E2F2: variants seen among roughly 807,000 people sequenced by gnomAD.
The protein encoded by E2F2 is transcription factor E2F2.
E2F2 carries 22 observed loss-of-function variants against 42.2 expected under a neutral mutation model. The ratio of observed to expected loss-of-function variants is 0.52; its 90% confidence interval spans 0.37 to 0.74. E2F2 has a LOEUF of 0.74. Among genes scored for constraint, E2F2 ranks in the 30% least tolerant of loss-of-function variants. The pLI is 0.00. For synonymous variants in E2F2, 248 were observed against 251.6 expected (o/e 0.99, Z 0.13); for missense variants, 481 against 557.8 (o/e 0.86, Z 1.39).
In E2F2 at chr1:23,531,075, C is replaced by A; in HGVS notation, c.-282G>T. The A allele has an allele frequency of 2.8e-6, 1 of 353,676 alleles. No individual in the cohort carries two copies. The highest frequency in any genetic ancestry group is 5.1e-6 in the Non-Finnish European group (1 of 197,572). The allele number at this position is 353,676 out of a possible 1,614,324, so 21.9% of individuals were successfully genotyped here. On this transcript the variant is annotated 5_prime_UTR_variant, in exon 1 of 7. Transcript: ENST00000361729. ...GCACCGCGACCCGGGACGCCCCGCGCTCCCCAAGGCCTCGGCACCTGGGGT... is the reference window on the plus strand; with the variant it reads ...GCACCGCGACCCGGGACGCCCCGCGATCCCCAAGGCCTCGGCACCTGGGGT...
intron 2 of E2F2, among the ~76,000 whole-genome samples, chr1:23,523,185 A>C (rs1161732891): frequency 7.0e-6 from 1 of 143,484 alleles, no homozygotes; most frequent in Non-Finnish European, 1.5e-5. Context: ...ATGGAGTCTC[A>C]CTCTCTCTCC....
intron 1 of E2F2, among the ~76,000 whole-genome samples, chr1:23,528,427 C>T (rs927509427): frequency 3.9e-5 from 6 of 152,172 alleles, no homozygotes; most frequent in East Asian, 1.9e-4. Flanking sequence ...AGAGGGCAGG[C>T]CTGCCCACGG....
rs1642831182 is a variant in E2F2 at position 23,507,840 on chromosome 1, G to T, written c.*2040C>A. 1 of 152,202 alleles carries T rather than the reference G, an allele frequency of 6.6e-6. No individual in the cohort carries two copies. 9.4% of individuals were successfully genotyped at this position (152,202 alleles called of 1,614,324 possible). A position where few individuals can be genotyped will look rare whatever the true frequency, so the allele number is the denominator to read the frequency against. On this transcript the variant is annotated 3_prime_UTR_variant, in exon 7 of 7. Coordinates refer to ENST00000361729, the MANE Select transcript of E2F2 (RefSeq NM_004091.4). The stretch of plus-strand genomic sequence containing the variant: ...TCAGTATTAAACTCATTCCCAATGG[G>T]TCCTGCAGGCCCCTTCTTCCTTTTC...
In E2F2 at chr1:23,530,930, A is replaced by G; in HGVS notation, c.-137T>C. On this transcript the variant is annotated 5_prime_UTR_variant, in exon 1 of 7. Transcript: ENST00000361729. The surrounding 1 kb of genome is among the most constrained non-coding windows in gnomAD (Gnocchi z 4.4). ...AGCCGCCAATGGACGCCTGCGGGGCAAGGCCGGACCCTCCCCTCCTGGCCC... is the reference window on the plus strand; with the variant it reads ...AGCCGCCAATGGACGCCTGCGGGGCGAGGCCGGACCCTCCCCTCCTGGCCC... 2 of 1,164,152 alleles carry G rather than the reference A, an allele frequency of 1.7e-6. No homozygotes were observed. The highest frequency in any genetic ancestry group is 2.3e-6 in the Non-Finnish European group (2 of 869,978). The allele number at this position is 1,164,152 out of a possible 1,614,324, so 72.1% of individuals were successfully genotyped here.
At position 23,509,967 on chromosome 1, in the gene E2F2, C is replaced by G. The variant is rs753858882; in HGVS notation, c.1227G>C (p.Gln409His). The G allele has an allele frequency of 1.2e-5, 19 of 1,612,668 alleles. No individual in the cohort carries two copies. The highest frequency in any genetic ancestry group is 1.5e-5 in the Non-Finnish European group (18 of 1,179,444). The change falls in exon 7 of 7, where the codon CAG (glutamine) becomes CAC (histidine). Residue 409 changes from glutamine to histidine, a missense_variant. Transcript: ENST00000361729. ...PLISFSPSLDQDDYLWGLEAG... is the reference protein window; with the variant it reads ...PLISFSPSLDHDDYLWGLEAG... ...CCTCCAAGCCCCACAGGTAGTCGTCCTGGTCCAAGGATGGGGAGAAGCTGA... is the reference window on the plus strand; with the variant it reads ...CCTCCAAGCCCCACAGGTAGTCGTCGTGGTCCAAGGATGGGGAGAAGCTGA...
intron 1 of E2F2, among the ~76,000 whole-genome samples, chr1:23,529,369 G>A (rs1368593791): frequency 1.3e-5 from 2 of 152,164 alleles, no homozygotes; most frequent in Non-Finnish European, 2.9e-5. Flanking sequence ...TTTTGAACAT[G>A]GGCAAAGCCT....
intron 4 of E2F2, among the ~76,000 whole-genome samples, chr1:23,520,510 G>A (rs1441177051): frequency 6.6e-6 from 1 of 152,112 alleles, no homozygotes; most frequent in African/African-American, 2.4e-5. Flanking sequence ...TTGGGAGACT[G>A]AGGCAGGAGG....
chr1:23,523,518 A>G (rs764946383), intron 2 of E2F2, among the ~76,000 whole-genome samples: 1 of 152,126 alleles, frequency 6.6e-6, no homozygotes, highest in Non-Finnish European at 1.5e-5. Flanking sequence ...AGCTTTAGGA[A>G]GGCACCACCT....
intron 6 of E2F2, among the ~76,000 whole-genome samples, chr1:23,514,467 C>G (rs768489999): frequency 1.3e-5 from 2 of 152,074 alleles, no homozygotes; most frequent in African/African-American, 4.8e-5. Context: ...GCTGTGTGAC[C>G]TTAGGGAAGC....
At chr1:23,518,574 CA>C (rs1262177559) in intron 5 of E2F2, among the ~76,000 whole-genome samples, 1 of 151,960 alleles carries the variant, frequency 6.6e-6, no homozygotes, top group African/African-American at 2.4e-5. Context: ...TCAGTGTGGC[CA>C]AAACAAAGAC....
intron 1 of E2F2, among the ~76,000 whole-genome samples, chr1:23,526,317 C>T (rs1353139676): frequency 6.6e-6 from 1 of 152,176 alleles, no homozygotes; most frequent in Non-Finnish European, 1.5e-5. Context: ...TGAATCTTCC[C>T]ATACCACTAA....
intron 1 of E2F2, among the ~76,000 whole-genome samples, chr1:23,528,053 G>A (rs1323857042): frequency 6.6e-6 from 1 of 152,238 alleles, no homozygotes; most frequent in Non-Finnish European, 1.5e-5. Context: ...GGGAGGTGGA[G>A]TTTGCAGTGA....
At chr1:23,524,954 C>T (rs1643225375) in intron 1 of E2F2, among the ~76,000 whole-genome samples, 1 of 152,212 alleles carries the variant, frequency 6.6e-6, no homozygotes, top group Non-Finnish European at 1.5e-5. Flanking sequence ...CACAGCTGGT[C>T]CTTATCAGGG....
At chr1:23,513,892 G>C (rs2148691800) in intron 6 of E2F2, among the ~76,000 whole-genome samples, 1 of 152,230 alleles carries the variant, frequency 6.6e-6, no homozygotes, top group Admixed American at 6.5e-5. Flanking sequence ...GGGAAGCTGA[G>C]GTGGGTGGAT....
intron 2 of E2F2, 42 bp from the exon 3 acceptor site, chr1:23,522,098 G>C (rs1387347079): frequency 6.3e-7 from 1 of 1,586,578 alleles, no homozygotes; most frequent in Non-Finnish European, 8.6e-7. Context: ...GGGAGGGGAG[G>C]GCCCGCCCAG....
chr1:23,510,686 G>A (rs1642892398), intron 6 of E2F2, among the ~76,000 whole-genome samples: 1 of 152,128 alleles, frequency 6.6e-6, no homozygotes, highest in African/African-American at 2.4e-5. Context: ...TGTGAAATAA[G>A]CCAATCACAA....
chr1:23,511,941 T>C (rs1224722055), intron 6 of E2F2, among the ~76,000 whole-genome samples: 1 of 152,090 alleles, frequency 6.6e-6, no homozygotes, highest in Non-Finnish European at 1.5e-5. Context: ...CTCATGCCTA[T>C]AATACCAGCA....
chr1:23,514,914 C>T (rs1480294304), intron 6 of E2F2, among the ~76,000 whole-genome samples: 1 of 149,472 alleles, frequency 6.7e-6, no homozygotes, highest in Non-Finnish European at 1.5e-5. Context: ...TAGTTGCCTT[C>T]TTTTTCTTTC....
rs777160606 is a variant in E2F2, at chr1:23,509,925, G to A, written c.1269C>T (p.Ser423=). The A allele has an allele frequency of 1.5e-5, 24 of 1,597,250 alleles. No individual in the cohort carries two copies. The highest frequency in any genetic ancestry group is 4.5e-5 in the East Asian group (2 of 44,154). ...CAAGGTCGTAGGAGTCGAAGAGATC[G>A]CTGATGCCCTCACCCGCCTCCAAGC... ...LWGLEAGEGI[S]DLFDSYDLGD... Residue 423 remains serine (S), a synonymous_variant, in exon 7 of 7, where the codon AGC becomes AGT. Coordinates refer to ENST00000361729, the MANE Select transcript of E2F2 (RefSeq NM_004091.4).
Sources: gnomAD v4.1 joint callset for allele counts (sites outside exome capture counted in the v4.1 genomes callset) on GRCh38, gnomAD v4.1.1 for gene constraint, Gnocchi (gnomAD v3.1) non-coding constraint, MANE v1.5 for transcripts, NCBI Gene and HGNC (gene_info 2026-07-23, HGNC 2026-07-21) for gene names.